Variants in CCNE2 observed in about 807,000 individuals in gnomAD.
CCNE2 encodes cyclin E2, also known as G1/S-specific cyclin-E2.
A neutral mutation model predicts 56.8 loss-of-function variants in CCNE2; 18 were observed. The ratio of observed to expected loss-of-function variants is 0.32; its 90% CI spans 0.22 to 0.47. The LOEUF (loss-of-function observed/expected upper bound fraction) is 0.47. Ranked by LOEUF, CCNE2 falls within the 20% of genes least tolerant of loss-of-function variation. The pLI, the probability that CCNE2 is intolerant of heterozygous loss-of-function variation, is 1.00. For synonymous variants in CCNE2, 139 were observed against 149.2 expected, an observed-to-expected ratio of 0.93 and a Z score of 0.50; for missense variants, 371 against 467.1, an observed-to-expected ratio of 0.79 and a Z score of 1.90.
In CCNE2 at chr8:94,887,924, T is replaced by C. The variant is rs1382513164; in HGVS notation, c.600+3A>G. The C allele has an allele frequency of 2.6e-6, 4 of 1,563,232 alleles. No homozygotes were observed. The highest frequency in any genetic ancestry group is 1.4e-5 in the African/African-American group (1 of 71,908). On this transcript the variant is annotated splice_donor_region_variant and intron_variant, in intron 7 of 11. Transcript: ENST00000308108. Reference sequence around the variant, plus strand: ...ATCTAAGGATAAACTTTTAAGAACTTACCTCAAGTTTGGAAGCAATGAATA... The same window carrying C: ...ATCTAAGGATAAACTTTTAAGAACTCACCTCAAGTTTGGAAGCAATGAATA...
At chr8:94,882,666 A>G (rs1413909348) in intron 10 of CCNE2, 115 bp downstream of exon 10, 1 of 722,330 alleles carries the variant, frequency 1.4e-6, no homozygotes. Context: ...CTGAACAGCT[A>G]ATTTTTTTTT....
In CCNE2 at chr8:94,888,016, C is replaced by CA; in HGVS notation, c.510dup (p.Asp171Ter). The CA allele has an allele frequency of 6.3e-7, 1 of 1,596,158 alleles. No homozygotes were observed. The highest frequency in any genetic ancestry group is 8.5e-7 in the Non-Finnish European group (1 of 1,170,184). ...TCCTTTTGTGTCAACATAAATCTATCAAAAAAGTCTTGTGCAAGATAAAAT... is the reference window on the plus strand; with the variant it reads ...TCCTTTTGTGTCAACATAAATCTATCAAAAAAAGTCTTGTGCAAGATAAAAT... On this transcript the variant is annotated frameshift_variant, in exon 7 of 12. Coordinates refer to ENST00000308108, the MANE Select transcript of CCNE2 (RefSeq NM_057749.3). LOFTEE classifies it high-confidence loss of function.
chr8:94,887,420 G>A (rs149670554), intron 7 of CCNE2, among the ~76,000 whole-genome samples: 20 of 152,130 alleles, frequency 1.3e-4, no homozygotes, highest in African/African-American at 3.1e-4. Flanking sequence ...CAGAAGAATC[G>A]CTTGAACCTG....
chr8:94,883,873 A>G (rs754898920), intron 9 of CCNE2: 4 of 456,146 alleles, frequency 8.8e-6, no homozygotes, highest in South Asian at 6.2e-5. Context: ...TTAAACTTCA[A>G]TTCTGTTTGT....
At chr8:94,881,857 TGCAA>T (rs1816830390) in intron 11 of CCNE2, 112 bp from the exon 12 acceptor site, 2 of 1,319,996 alleles carry the variant, frequency 1.5e-6, no homozygotes, top group Non-Finnish European at 2.1e-6. Context: ...TTTATGTCTT[TGCAA>T]GTGTGAAGGG....
At position 94,885,098 on chromosome 8, in the gene CCNE2, T is replaced by C; in HGVS notation, c.800A>G (p.Tyr267Cys). 1 of 1,613,358 alleles carries C rather than the reference T, an allele frequency of 6.2e-7. No individual in the cohort carries two copies. Among genetic ancestry groups the C allele is most frequent in the South Asian group, 1.1e-5 (1 of 91,054 alleles). Reference sequence around the variant, plus strand: ...TATTTGAATGAATGTTTCCTGAGAATACTGAGGTAGAAGAACTTTAGGAGC... The same window carrying C: ...TATTTGAATGAATGTTTCCTGAGAACACTGAGGTAGAAGAACTTTAGGAGC... ...KDAPKVLLPQ[Y>C]SQETFIQIAQ... Residue 267 changes from tyrosine to cysteine, a missense_variant, in exon 9 of 12, where the codon TAT (tyrosine) becomes TGT (cysteine). Transcript: ENST00000308108.
upstream of CCNE2, chr8:94,895,908 T>C: frequency 6.5e-6 from 1 of 153,502 alleles, no homozygotes; most frequent in Non-Finnish European, 1.4e-5. Flanking sequence ...AGGGAAGGCA[T>C]TTCCAGCCCG....
chr8:94,882,967 G>T, intron 9 of CCNE2, 75 bp from the exon 10 acceptor site: 1 of 1,009,432 alleles, frequency 9.9e-7, no homozygotes, highest in Non-Finnish European at 1.5e-6. Context: ...AAACCTTAGG[G>T]ATCTAGAGAT....
At position 94,892,961 on chromosome 8, in the gene CCNE2, C is replaced by G; in HGVS notation, c.174G>C (p.Trp58Cys). 6.5e-7 allele frequency: 1 copy of G among 1,528,546 alleles called. No individual in the cohort carries two copies. Among genetic ancestry groups the G allele is most frequent in the Non-Finnish European group, 8.7e-7 (1 of 1,151,294 alleles). The allele number at this position is 1,528,546 out of a possible 1,614,324, so 94.7% of individuals were successfully genotyped here. ...TGATCCCCCCAGATAATACAGGTGG[C>G]CAACAATTCTGTCATAAAAAAAAAG... Reference protein sequence around the residue: ...KKHQYEIRNCWPPVLSGGISP... With the variant: ...KKHQYEIRNCCPPVLSGGISP... Residue 58 changes from tryptophan (W) to cysteine (C), a missense_variant, in exon 5 of 12, where the codon TGG (tryptophan) becomes TGC (cysteine). Transcript: ENST00000308108.
At chr8:94,896,670 G>A (rs1270993846), upstream of CCNE2, 1 of 152,082 alleles carries the variant, frequency 6.6e-6, no homozygotes, top group African/African-American at 2.4e-5. Flanking sequence ...GGGAGACGGA[G>A]CCTCGCGGGC....
chr8:94,896,592 C>T (rs1817608740), upstream of CCNE2: 2 of 152,070 alleles, frequency 1.3e-5, no homozygotes, highest in African/African-American at 4.8e-5. Context: ...TCTCGGAACC[C>T]GCGGTAGCTC....
In CCNE2 at chr8:94,880,265, A is replaced by AAAC. The variant is rs761333461; in HGVS notation, c.*1364_*1366dup. 11 of 1,153,076 alleles carry AAAC rather than the reference A, an allele frequency of 9.5e-6. No individual in the cohort carries two copies. In the East Asian group the frequency reaches 2.7e-4, roughly 29 times the overall value. The allele number at this position is 1,153,076 out of a possible 1,614,324, so 71.4% of individuals were successfully genotyped here. ...TAAATTTTTTTAACTTTTATTTTTT[A>AAAC]AACAATGGGCTAAAAATAAACAGTA... On this transcript the variant is annotated 3_prime_UTR_variant, in exon 12 of 12. Coordinates refer to ENST00000308108, the MANE Select transcript of CCNE2 (RefSeq NM_057749.3).
At chr8:94,885,426 T>C in intron 8 of CCNE2, 37 bp downstream of exon 8, 2 of 1,320,338 alleles carry the variant, frequency 1.5e-6, no homozygotes, top group South Asian at 2.6e-5. Context: ...GTAACATGGT[T>C]TCTTTTTTGC....
At chr8:94,892,167 CA>C in intron 5 of CCNE2, 1 of 493,794 alleles carries the variant, frequency 2.0e-6, no homozygotes, top group African/African-American at 2.0e-5. Context: ...AAGAGCAATA[CA>C]AAAAAGTTAA....
Position 94,880,264 on chromosome 8 carries a change from T to TAAAC in CCNE2, c.*1364_*1367dup, listed in dbSNP as rs1234053774. On this transcript the variant is annotated 3_prime_UTR_variant, in exon 12 of 12. Transcript: ENST00000308108. ...TTAAATTTTTTTAACTTTTATTTTTTAAACAATGGGCTAAAAATAAACAGT... is the reference window on the plus strand; with the variant it reads ...TTAAATTTTTTTAACTTTTATTTTTTAAACAAACAATGGGCTAAAAATAAACAGT... 4.3e-6 allele frequency: 5 copies of TAAAC among 1,167,238 alleles called. No homozygotes were observed. The African/African-American group carries it at 6.3e-5, about 15-fold the overall frequency. The allele number at this position is 1,167,238 out of a possible 1,614,324, so 72.3% of individuals were successfully genotyped here. A position where few individuals can be genotyped will look rare whatever the true frequency, so the allele number is the denominator to read the frequency against.
chr8:94,885,587 C>T (rs1421694137), intron 7 of CCNE2, 29 bp from the exon 8 acceptor site: 2 of 1,317,284 alleles, frequency 1.5e-6, no homozygotes, highest in South Asian at 2.5e-5. Flanking sequence ...TTATTGAGTA[C>T]AATTGAGATA....
At chr8:94,889,855 A>T (rs1401976777) in intron 6 of CCNE2, among the ~76,000 whole-genome samples, 1 of 152,206 alleles carries the variant, frequency 6.6e-6, no homozygotes. Context: ...ATCTGGCACA[A>T]ATCTATAGGG....
chr8:94,885,040 C>T, intron 9 of CCNE2, 27 bp downstream of exon 9: 1 of 1,600,734 alleles, frequency 6.2e-7, no homozygotes, highest in East Asian at 2.2e-5. Flanking sequence ...AATAACATTA[C>T]CATTGAATCA....
chr8:94,891,768 GGCCAA>G, intron 5 of CCNE2: 1 of 1,316,488 alleles, frequency 7.6e-7, no homozygotes, highest in Non-Finnish European at 1.1e-6. Context: ...GGTGTACCCA[GGCCAA>G]GCAGTGGGAC....
Sources: allele counts gnomAD v4.1 joint callset (sites outside exome capture counted in the v4.1 genomes callset), GRCh38; gene constraint gnomAD v4.1.1; transcripts MANE v1.5; gene names NCBI Gene and HGNC (gene_info 2026-07-23, HGNC 2026-07-21).